Variants in CCRL2 observed in about 807,000 individuals in gnomAD.
The protein encoded by CCRL2 is C-C motif chemokine receptor like 2.
For missense variants in CCRL2, 451 were observed against 412.4 expected, an observed-to-expected ratio of 1.09 and a Z score of -0.81; for synonymous variants, 181 against 165.6, an observed-to-expected ratio of 1.09 and a Z score of -0.71.
At position 46,408,538 on chromosome 3, in the gene CCRL2, C is replaced by A. The variant is rs1468877514; in HGVS notation, c.459C>A (p.Val153=). ...RRVPCGIITS[V]LAWVTAILAT... is the part of the protein sequence containing the mutation. ...TGCCCTGTGGCATCATTACAAGTGTCCTGGCATGGGTAACAGCCATTCTGG... is the reference window on the plus strand; with the variant it reads ...TGCCCTGTGGCATCATTACAAGTGTACTGGCATGGGTAACAGCCATTCTGG... Residue 153 remains valine, a synonymous_variant, in exon 2 of 2, where the codon GTC becomes GTA. Coordinates refer to ENST00000399036, the MANE Select transcript of CCRL2 (RefSeq NM_003965.5). 1 of 1,614,088 alleles carries A rather than the reference C, an allele frequency of 6.2e-7. No individual in the cohort carries two copies. The highest frequency in any genetic ancestry group is 8.5e-7 in the Non-Finnish European group (1 of 1,180,044).
At chr3:46,407,822 C>T (rs950679817) in intron 1 of CCRL2, 8 of 807,490 alleles carry the variant, frequency 9.9e-6, no homozygotes, top group East Asian at 2.7e-5. Flanking sequence ...CTTTATTTCC[C>T]GTGGCACCTG....
rs1335430612 is a variant in CCRL2, at chr3:46,409,011, T to C, written c.932T>C (p.Leu311Pro). 3.1e-6 allele frequency: 5 copies of C among 1,614,088 alleles called. No individual in the cohort carries two copies. Among genetic ancestry groups the C allele is most frequent in the Non-Finnish European group, 4.2e-6 (5 of 1,180,046 alleles). Reference protein sequence around the residue: ...AFLDGTFSKYLCRCFHLRSNT... With the variant: ...AFLDGTFSKYPCRCFHLRSNT... ...CTTGATGGGACATTTAGCAAATACC[T>C]CTGCCGCTGTTTCCATCTGCGTAGT... The change falls in exon 2 of 2, where the codon CTC (leucine) becomes CCC (proline). Residue 311 changes from leucine (L) to proline (P), a missense_variant. Physicochemically the swap from Leu to Pro is moderately conservative, Grantham distance 98. Transcript: ENST00000399036.
At chr3:46,407,584 T>A (rs1455705053) in intron 1 of CCRL2, 82 bp downstream of exon 1, 2 of 1,103,758 alleles carry the variant, frequency 1.8e-6, no homozygotes, top group Non-Finnish European at 1.3e-6. Flanking sequence ...TTGCAAACAT[T>A]TATTTATACC....
chr3:46,408,010 G>A, intron 1 of CCRL2, 58 bp from the exon 2 acceptor site: 1 of 1,324,742 alleles, frequency 7.5e-7, no homozygotes. Flanking sequence ...CCAGTTTGTT[G>A]TTTCCTCCAG....
chr3:46,408,810 T>G lies in CCRL2; in HGVS notation c.731T>G (p.Met244Arg), dbSNP rs1195967020. 1 of 1,614,238 alleles carries G rather than the reference T, an allele frequency of 6.2e-7. No homozygotes were observed. The highest frequency in any genetic ancestry group is 1.1e-5 in the South Asian group (1 of 91,084). The change falls in exon 2 of 2, where the codon ATG (methionine) becomes AGG (arginine). Residue 244 changes from methionine to arginine, a missense_variant. Transcript: ENST00000399036. ...CTTTTCAAGCTTGTTTTTGCCATAA[T>G]GGTAGTCTTCCTTCTGATGTGGGCG... ...YSLFKLVFAI[M>R]VVFLLMWAPY...
Position 46,408,829 on chromosome 3 carries a change from G to A in CCRL2, c.750G>A (p.Met250Ile). The A allele has an allele frequency of 3.1e-6, 5 of 1,614,150 alleles. No individual in the cohort carries two copies. Among genetic ancestry groups the A allele is most frequent in the Non-Finnish European group, 4.2e-6 (5 of 1,180,036 alleles). ...CCATAATGGTAGTCTTCCTTCTGATGTGGGCGCCCTACAATATTGCATTTT... is the reference window on the plus strand; with the variant it reads ...CCATAATGGTAGTCTTCCTTCTGATATGGGCGCCCTACAATATTGCATTTT... The part of the protein sequence containing the change: ...VFAIMVVFLL[M>I]WAPYNIAFFL... The change falls in exon 2 of 2, where the codon ATG becomes ATA. Residue 250 changes from methionine to isoleucine, a missense_variant. Transcript: ENST00000399036.
In CCRL2 at chr3:46,407,578, A is replaced by G. The variant is rs979169727; in HGVS notation, c.-13+76A>G. ...ATGCTGAGCATGGTTTCACTTTTGC[A>G]AACATTTATTTATACCCTTCGAGAG... On this transcript the variant is annotated intron_variant, in intron 1 of 1. Transcript: ENST00000399036. 5 of 1,047,870 alleles carry G rather than the reference A, an allele frequency of 4.8e-6. No individual in the cohort carries two copies. In the Admixed American group the frequency reaches 1.3e-4, roughly 26 times the overall value. The allele number at this position is 1,047,870 out of a possible 1,614,324, so 64.9% of individuals were successfully genotyped here.
Position 46,408,454 on chromosome 3 carries a change from T to C in CCRL2, c.375T>C (p.Thr125=). Residue 125 remains threonine, a synonymous_variant, in exon 2 of 2, where the codon ACT becomes ACC. Coordinates refer to ENST00000399036, the MANE Select transcript of CCRL2 (RefSeq NM_003965.5). ...AGACATTTTTCAATTGCCTTCTGAC[T>C]GTGCAAAGGTACCTAGTGTTTTTGC... is the stretch of plus-strand genomic sequence containing the variant. ...YSETFFNCLL[T]VQRYLVFLHK... The C allele has an allele frequency of 1.2e-6, 2 of 1,614,244 alleles. No individual in the cohort carries two copies. The highest frequency in any genetic ancestry group is 1.7e-6 in the Non-Finnish European group (2 of 1,180,040).
Position 46,407,286 on chromosome 3 carries a change from TG to T in CCRL2, c.-224del. On this transcript the variant is annotated 5_prime_UTR_variant, in exon 1 of 2. Transcript: ENST00000399036. ...ACGCTTCAGAGATCCTCTGGAGGCCTGGGGGAGCTTTTGAGTACTTTATTTC... is the reference window on the plus strand; with the variant it reads ...ACGCTTCAGAGATCCTCTGGAGGCCTGGGGAGCTTTTGAGTACTTTATTTC... 2 of 208,840 alleles carry T rather than the reference TG, an allele frequency of 9.6e-6. No homozygotes were observed. Among genetic ancestry groups the T allele is most frequent in the Non-Finnish European group, 1.9e-5 (2 of 105,556 alleles). The allele number at this position is 208,840 out of a possible 1,614,324, so 12.9% of individuals were successfully genotyped here. A position where few individuals can be genotyped will look rare whatever the true frequency, so the allele number is the denominator to read the frequency against.
intron 1 of CCRL2, 75 bp from the exon 2 acceptor site, chr3:46,407,993 T>C: frequency 8.9e-7 from 1 of 1,123,028 alleles, no homozygotes; most frequent in East Asian, 2.6e-5. Flanking sequence ...GCTGTATGAA[T>C]CCAGGTCCAG....
In CCRL2 at chr3:46,409,518, C is replaced by T. The variant is rs1281299329; in HGVS notation, c.*404C>T. The T allele has an allele frequency of 5.9e-6, 1 of 170,746 alleles. No homozygotes were observed. The highest frequency in any genetic ancestry group is 1.3e-5 in the Non-Finnish European group (1 of 79,172). 10.6% of individuals were successfully genotyped at this position (170,746 alleles called of 1,614,324 possible). On this transcript the variant is annotated 3_prime_UTR_variant, in exon 2 of 2. Transcript: ENST00000399036. ...GACATGAAATAAATGTATTTTAAAA[C>T]ATCTATTTAATGTATTTTAAAATAA...
At position 46,409,086 on chromosome 3, in the gene CCRL2, A is replaced by G. The variant is rs1232769588; in HGVS notation, c.1007A>G (p.Glu336Gly). The G allele has an allele frequency of 6.2e-7, 1 of 1,613,546 alleles. No individual in the cohort carries two copies. The change falls in exon 2 of 2, where the codon GAA becomes GGA. Residue 336 changes from glutamate to glycine, a missense_variant. Glu to Gly is a moderately conservative substitution (Grantham distance 98). Coordinates refer to ENST00000399036, the MANE Select transcript of CCRL2 (RefSeq NM_003965.5). ...RGQSAQGTSR[E>G]EPDHSTEV ...CAGTCTGCACAAGGCACATCGAGGG[A>G]AGAACCTGACCATTCCACCGAAGTG...
rs1030524286 is a variant in CCRL2, at chr3:46,407,491, C to T, written c.-24C>T. 2.6e-5 allele frequency: 16 copies of T among 613,380 alleles called. No individual in the cohort carries two copies. The African/African-American group carries it at 3.1e-4, about 12-fold the overall frequency. 38.0% of individuals were successfully genotyped at this position (613,380 alleles called of 1,614,324 possible). A position where few individuals can be genotyped will look rare whatever the true frequency, so the allele number is the denominator to read the frequency against. ...AGGCTGCGCCCTTCCCCTGCAGGAG[C>T]TCAGCCCAGTGGTAAGTCATCTGTG... On this transcript the variant is annotated 5_prime_UTR_variant, in exon 1 of 2. Coordinates refer to ENST00000399036, the MANE Select transcript of CCRL2 (RefSeq NM_003965.5).
chr3:46,407,682 C>T (rs1189973908), intron 1 of CCRL2, 180 bp downstream of exon 1: 10 of 1,543,464 alleles, frequency 6.5e-6, no homozygotes, highest in Non-Finnish European at 8.7e-6. Context: ...TGATCTACAC[C>T]CGTTTCTTAA....
In CCRL2 at chr3:46,408,976, G is replaced by A. The variant is rs769053820; in HGVS notation, c.897G>A (p.Leu299=). ...ATTHCCINPL[L]YAFLDGTFSK... is the part of the protein sequence containing the mutation. ...CCCACTGCTGCATCAACCCTCTCCT[G>A]TATGCGTTTCTTGATGGGACATTTA... Residue 299 remains leucine (L), a synonymous_variant, in exon 2 of 2, where the codon CTG becomes CTA. Coordinates refer to ENST00000399036, the MANE Select transcript of CCRL2 (RefSeq NM_003965.5). 1.9e-6 allele frequency: 3 copies of A among 1,613,992 alleles called. No individual in the cohort carries two copies. The African/African-American group carries it at 4.0e-5, about 22-fold the overall frequency.
Position 46,407,417 on chromosome 3 carries a change from G to A in CCRL2, c.-98G>A, listed in dbSNP as rs573204763. 183 of 512,720 alleles carry A rather than the reference G, an allele frequency of 3.6e-4. 1 individual carries two copies. The highest frequency in any genetic ancestry group is 4.2e-4 in the Non-Finnish European group (123 of 296,006). 31.8% of individuals were successfully genotyped at this position (512,720 alleles called of 1,614,324 possible). The stretch of plus-strand genomic sequence containing the variant: ...CAGGAGCAGTCTGATCAAAAGGAGG[G>A]CATCCACTGTCCGGGGCCATTCCCA... On this transcript the variant is annotated 5_prime_UTR_variant, in exon 1 of 2. Transcript: ENST00000399036.
In CCRL2 at chr3:46,408,276, A is replaced by G; in HGVS notation, c.197A>G (p.Tyr66Cys). 1 of 1,614,242 alleles carries G rather than the reference A, an allele frequency of 6.2e-7. No individual in the cohort carries two copies. The highest frequency in any genetic ancestry group is 8.5e-7 in the Non-Finnish European group (1 of 1,180,040). ...NLLVVLILVKYKGLKRVENIY... is the reference protein window; with the variant it reads ...NLLVVLILVKCKGLKRVENIY... ...CTGGTTGTGCTTATCCTGGTAAAAT[A>G]TAAAGGACTCAAACGCGTGGAAAAT... Residue 66 changes from tyrosine (Y) to cysteine (C), a missense_variant, in exon 2 of 2, where the codon TAT (tyrosine) becomes TGT (cysteine). Transcript: ENST00000399036.
intron 1 of CCRL2, chr3:46,407,772 C>T (rs1418717303): frequency 8.1e-7 from 1 of 1,227,494 alleles, no homozygotes; most frequent in Non-Finnish European, 1.1e-6. Context: ...CCTGTTTCTG[C>T]TAAAAGAAGG....
Position 46,408,608 on chromosome 3 carries a change from C to A in CCRL2, c.529C>A (p.Gln177Lys). 6.2e-7 allele frequency: 1 copy of A among 1,614,086 alleles called. No individual in the cohort carries two copies. Among genetic ancestry groups the A allele is most frequent in the Non-Finnish European group, 8.5e-7 (1 of 1,179,980 alleles). The change falls in exon 2 of 2, where the codon CAG (glutamine) becomes AAG (lysine). Residue 177 changes from glutamine (Q) to lysine (K), a missense_variant. Gln to Lys is a moderately conservative substitution (Grantham distance 53, BLOSUM62 1). Transcript: ENST00000399036. ...FVVYKPQMED[Q>K]KYKCAFSRTP... is the part of the protein sequence containing the mutation. ...GGTTTATAAACCTCAGATGGAAGAC[C>A]AGAAATACAAGTGTGCATTTAGCAG...
Sources: allele counts gnomAD v4.1 joint callset, GRCh38; gene constraint gnomAD v4.1.1; transcripts MANE v1.5; gene names NCBI Gene and HGNC (gene_info 2026-07-23, HGNC 2026-07-21).